CEP162: variants seen among roughly 807,000 people sequenced by gnomAD.
The protein encoded by CEP162 is centrosomal protein 162.
In CEP162, 141 loss-of-function variants were observed where a neutral mutation model predicts 169.2. That is an observed-to-expected ratio of 0.83 (90% CI 0.73 to 0.96). The LOEUF is 0.96. Ranked by LOEUF, CEP162 falls within the 40% of genes least tolerant of loss-of-function variation. The probability of loss-of-function intolerance (pLI) is 0.00; values close to 1 mark genes in which losing one functional copy is unlikely to be tolerated. For missense variants in CEP162, 1,600 were observed against 1,587.2 expected, an observed-to-expected ratio of 1.01 and a Z score of -0.14; for synonymous variants, 540 against 526.4, an observed-to-expected ratio of 1.03 and a Z score of -0.35.
rs944122557 is a variant in CEP162, at chr6:84,180,560, T to C, written c.1663+4627A>G. On this transcript the variant is annotated intron_variant, in intron 13 of 26. Coordinates refer to ENST00000403245, the MANE Select transcript of CEP162 (RefSeq NM_014895.4). ...GGAAAAGAGGAAGTCAAATTGTTCCTGTTTGCAGATGACATGATTGTGTAT... is the reference window on the plus strand; with the variant it reads ...GGAAAAGAGGAAGTCAAATTGTTCCCGTTTGCAGATGACATGATTGTGTAT... 1.1e-3 allele frequency among the ~76,000 whole-genome samples: 160 copies of C among 150,734 alleles called. 9 individuals are homozygous for C. The highest frequency in any genetic ancestry group is 1.6e-3 in the Non-Finnish European group (109 of 67,532).
rs766992888 is a variant in CEP162 at position 84,186,507 on chromosome 6, T to C, written c.1226A>G (p.Asn409Ser). The change falls in exon 12 of 27, where the codon AAT becomes AGT. Residue 409 changes from asparagine (N) to serine (S), a missense_variant. Asn to Ser is a conservative substitution (Grantham distance 46, BLOSUM62 1). Coordinates refer to ENST00000403245, the MANE Select transcript of CEP162 (RefSeq NM_014895.4). Reference sequence around the variant, plus strand: ...CTTTTGTAAAATCACATTCTCATCATTTTTGTCAAAAAAAAGGTTCACATG... The same window carrying C: ...CTTTTGTAAAATCACATTCTCATCACTTTTGTCAAAAAAAAGGTTCACATG... Reference protein sequence around the residue: ...SQHVNLFFDKNDENVILQKTT... With the variant: ...SQHVNLFFDKSDENVILQKTT... 6.2e-7 allele frequency: 1 copy of C among 1,613,290 alleles called. No homozygotes were observed. Among genetic ancestry groups the C allele is most frequent in the South Asian group, 1.1e-5 (1 of 91,054 alleles).
intron 7 of CEP162, among the ~76,000 whole-genome samples, chr6:84,202,890 T>C (rs2099545204): frequency 6.6e-6 from 1 of 152,176 alleles, no homozygotes; most frequent in Non-Finnish European, 1.5e-5. Context: ...CTGAGTGACA[T>C]GTAGACACCC....
intron 7 of CEP162, 134 bp from the exon 8 acceptor site, chr6:84,201,901 TA>T: frequency 2.0e-6 from 1 of 508,306 alleles, no homozygotes; most frequent in Non-Finnish European, 3.5e-6. Flanking sequence ...CTGTGTTTTC[TA>T]GGCTTCTTTC....
At chr6:84,151,167 G>C (rs2099520944) in intron 23 of CEP162, among the ~76,000 whole-genome samples, 1 of 152,076 alleles carries the variant, frequency 6.6e-6, no homozygotes, top group African/African-American at 2.4e-5. Context: ...GCTAGGCAGA[G>C]AAATTTAGTC....
At position 84,149,570 on chromosome 6, in the gene CEP162, T is replaced by G. The variant is rs1469751087; in HGVS notation, c.3763A>C (p.Thr1255Pro). The change falls in exon 24 of 27, where the codon ACT becomes CCT. Residue 1255 changes from threonine (T) to proline (P), a missense_variant. By Grantham distance (38) the Thr-to-Pro change is conservative. Transcript: ENST00000403245. ...ACAGATTTGTCATCTACCTCTTGAGTTGCTATTTTACGATTTAGTTCAGCT... is the reference window on the plus strand; with the variant it reads ...ACAGATTTGTCATCTACCTCTTGAGGTGCTATTTTACGATTTAGTTCAGCT... ...KVAELNRKIA[T>P]QEVLIRHFQS... The G allele has an allele frequency of 2.5e-6, 4 of 1,591,972 alleles. No homozygotes were observed. Among genetic ancestry groups the G allele is most frequent in the Non-Finnish European group, 3.4e-6 (4 of 1,170,228 alleles).
chr6:84,126,378 C>G lies in CEP162; in HGVS notation c.4005G>C (p.Gln1335His). Residue 1335 changes from glutamine to histidine, a missense_variant and splice_region_variant, in exon 26 of 27, where the codon CAG (glutamine) becomes CAC (histidine). By Grantham distance (24) the Gln-to-His change is conservative. Coordinates refer to ENST00000403245, the MANE Select transcript of CEP162 (RefSeq NM_014895.4). ...AATATGTAAATGTGATTTACTTTAC[C>G]TGTTGAAGTTCCTGTTCTCTTTGTG... ...RHAQREQELQ[Q>H]IIQQTHQVVE... 6.3e-7 allele frequency: 1 copy of G among 1,579,230 alleles called. No homozygotes were observed. Among genetic ancestry groups the G allele is most frequent in the Non-Finnish European group, 8.6e-7 (1 of 1,165,496 alleles).
intron 13 of CEP162, among the ~76,000 whole-genome samples, chr6:84,184,891 C>G (rs1219538731): frequency 6.6e-6 from 1 of 151,826 alleles, no homozygotes; most frequent in Non-Finnish European, 1.5e-5. Flanking sequence ...AGTTTTCCCC[C>G]AACTGTCAAA....
At chr6:84,195,473 A>G (rs1217225350) in intron 9 of CEP162, among the ~76,000 whole-genome samples, 2 of 152,344 alleles carry the variant, frequency 1.3e-5, no homozygotes, top group East Asian at 3.9e-4. Flanking sequence ...TTCAACCACA[A>G]TGAATTCACT....
At chr6:84,223,510 A>C (rs2099554556) in intron 2 of CEP162, among the ~76,000 whole-genome samples, 1 of 149,296 alleles carries the variant, frequency 6.7e-6, no homozygotes, top group African/African-American at 2.4e-5. Context: ...AAAATAAATA[A>C]ATAAATAAAT....
At position 84,158,534 on chromosome 6, in the gene CEP162, A is replaced by G. The variant is rs1209311554; in HGVS notation, c.2781+2278T>C. 6.6e-5 allele frequency among the ~76,000 whole-genome samples: 10 copies of G among 152,194 alleles called. 1 individual carries two copies. In the South Asian group the frequency reaches 1.7e-3, roughly 25 times the overall value. On this transcript the variant is annotated intron_variant, in intron 21 of 26. Transcript: ENST00000403245. ...CATATGATTTACATAGTTAATATAA[A>G]TATTTACACTTGTGAAAACTGCTTG...
Position 84,144,001 on chromosome 6 carries a change from A to AT in CEP162, c.3870+2685dup, listed in dbSNP as rs146213139. ...TAGAATCTTTTAATAATCACTTTGG[A>AT]TAACTAAGTATTGTTTCATAATGAC... On this transcript the variant is annotated intron_variant, in intron 25 of 26. Transcript: ENST00000403245. Among the ~76,000 whole-genome samples the AT allele has an allele frequency of 9.3e-3, 1,410 of 152,068 alleles. 16 individuals are homozygous for AT. Among genetic ancestry groups the AT allele is most frequent in the African/African-American group, 0.032 (1,334 of 41,548 alleles).
intron 21 of CEP162, among the ~76,000 whole-genome samples, chr6:84,156,202 A>G (rs549083407): frequency 2.1e-4 from 32 of 152,200 alleles, no homozygotes; most frequent in Non-Finnish European, 3.1e-4. Context: ...CTGAACTCAC[A>G]CCTCTCACTT....
Position 84,149,558 on chromosome 6 carries a change from C to G in CEP162, c.3771+4G>C. 6.3e-7 allele frequency: 1 copy of G among 1,577,858 alleles called. No homozygotes were observed. Among genetic ancestry groups the G allele is most frequent in the South Asian group, 1.2e-5 (1 of 84,590 alleles). On this transcript the variant is annotated splice_donor_region_variant and intron_variant, in intron 24 of 26. Transcript: ENST00000403245. ...TCAAAAGATAAAACAGATTTGTCAT[C>G]TACCTCTTGAGTTGCTATTTTACGA...
chr6:84,140,386 T>C (rs565000913), intron 25 of CEP162, among the ~76,000 whole-genome samples: 72 of 152,306 alleles, frequency 4.7e-4, no homozygotes, highest in African/African-American at 1.7e-3. Flanking sequence ...ACAACTCTTC[T>C]GTCTGCAGAG....
intron 11 of CEP162, among the ~76,000 whole-genome samples, chr6:84,192,255 T>G (rs2099540233): frequency 6.6e-6 from 1 of 152,244 alleles, no homozygotes; most frequent in Non-Finnish European, 1.5e-5. Context: ...TACTGACATT[T>G]CTATTACGTA....
At chr6:84,204,996 C>T (rs765655770) in intron 6 of CEP162, among the ~76,000 whole-genome samples, 3 of 152,090 alleles carry the variant, frequency 2.0e-5, no homozygotes, top group African/African-American at 7.3e-5. Flanking sequence ...AAATCCTGGA[C>T]ACATACACCC....
intron 1 of CEP162, among the ~76,000 whole-genome samples, chr6:84,227,069 G>A (rs1431453791): frequency 1.3e-5 from 2 of 152,142 alleles, no homozygotes; most frequent in Non-Finnish European, 2.9e-5. Context: ...TTTGAAGCGA[G>A]GGAAGACCGA....
chr6:84,226,112 T>G (rs888208147), intron 2 of CEP162, among the ~76,000 whole-genome samples: 3 of 150,990 alleles, frequency 2.0e-5, no homozygotes, highest in African/African-American at 7.3e-5. Flanking sequence ...AGAGTCTGAC[T>G]GCAGTGTGGT....
At chr6:84,162,853 C>T (rs1046176384) in intron 19 of CEP162, among the ~76,000 whole-genome samples, 5 of 152,246 alleles carry the variant, frequency 3.3e-5, no homozygotes, top group South Asian at 2.1e-4. Flanking sequence ...AGAAGACAGG[C>T]CTTGCCCTCA....
Sources: gnomAD v4.1 joint callset for allele counts (sites outside exome capture counted in the v4.1 genomes callset) on GRCh38, gnomAD v4.1.1 for gene constraint, MANE v1.5 for transcripts, NCBI Gene and HGNC (gene_info 2026-07-23, HGNC 2026-07-21) for gene names.